The following RAB23 variants were observed in gnomAD, a reference collection of about 807,000 sequenced individuals.
The protein encoded by RAB23 is RAB23, member RAS oncogene family.
RAB23 carries 15 observed loss-of-function variants against 30.0 expected under a neutral mutation model. That is an observed-to-expected ratio of 0.50 (90% CI 0.33 to 0.77). The LOEUF is 0.77. RAB23 is among the 30% of genes least tolerant of loss of function. The pLI is 0.02. For missense variants in RAB23, 243 were observed against 275.4 expected, an observed-to-expected ratio of 0.88 and a Z score of 0.83; for synonymous variants, 93 against 94.0, an observed-to-expected ratio of 0.99 and a Z score of 0.06.
At chr6:57,194,707 C>G (rs1271975946) in intron 5 of RAB23, 63 bp downstream of exon 5, 1 of 1,216,050 alleles carries the variant, frequency 8.2e-7, no homozygotes, top group African/African-American at 1.5e-5. Context: ...CTAAACAACA[C>G]AATTTTAAAA....
intron 3 of RAB23, among the ~76,000 whole-genome samples, chr6:57,205,224 A>G (rs1765416211): frequency 6.6e-6 from 1 of 151,706 alleles, no homozygotes; most frequent in Admixed American, 6.6e-5. Context: ...GTGTGTGTAT[A>G]TATGTGTGTG....
Position 57,187,542 on chromosome 6 carries a change from A to AATG in RAB23, c.*2916_*2918dup, listed in dbSNP as rs1262673388. 1.3e-5 allele frequency: 2 copies of AATG among 152,232 alleles called. No individual in the cohort carries two copies. Among genetic ancestry groups the AATG allele is most frequent in the Admixed American group, 6.5e-5 (1 of 15,290 alleles). 9.4% of individuals were successfully genotyped at this position (152,232 alleles called of 1,614,324 possible). The stretch of plus-strand genomic sequence containing the variant: ...CATTTTGTTTTCAGAGAAACAGACT[A>AATG]ATGATAGATTAATGGGAACATTTTA... On this transcript the variant is annotated 3_prime_UTR_variant, in exon 7 of 7. Coordinates refer to ENST00000468148, the MANE Select transcript of RAB23 (RefSeq NM_016277.5).
Position 57,190,528 on chromosome 6 carries a change from T to C in RAB23, c.647A>G (p.Asn216Ser), listed in dbSNP as rs774889725. 3.7e-6 allele frequency: 6 copies of C among 1,613,994 alleles called. No individual in the cohort carries two copies. The Admixed American group carries it at 5.0e-5, about 13-fold the overall frequency. ...SGTLNGGDVI[N>S]LRPNKQRTKK... is the part of the protein sequence containing the mutation. ...GGTCCTTTGTTTGTTGGGTCTAAGA[T>C]TGATGACATCTCCACCATTGAGGGT... is the stretch of plus-strand genomic sequence containing the variant. The change falls in exon 7 of 7, where the codon AAT becomes AGT. Residue 216 changes from asparagine to serine, a missense_variant. Physicochemically the swap from Asn to Ser is conservative, Grantham distance 46. Coordinates refer to ENST00000468148, the MANE Select transcript of RAB23 (RefSeq NM_016277.5).
At chr6:57,209,619 C>T (rs1765573980) in intron 2 of RAB23, among the ~76,000 whole-genome samples, 1 of 152,014 alleles carries the variant, frequency 6.6e-6, no homozygotes, top group Non-Finnish European at 1.5e-5. Context: ...ATTTGGGTAA[C>T]ACATTTTAGT....
rs538408704 is a variant in RAB23 at position 57,214,667 on chromosome 6, A to AGGT, written c.-65-4225_-65-4223dup. Among the ~76,000 whole-genome samples, 26 of 152,288 alleles carry AGGT rather than the reference A, an allele frequency of 1.7e-4. No individual in the cohort carries two copies. In the South Asian group the frequency reaches 5.2e-3, roughly 30 times the overall value. On this transcript the variant is annotated intron_variant, in intron 1 of 6. Coordinates refer to ENST00000468148, the MANE Select transcript of RAB23 (RefSeq NM_016277.5). ...TTTTTATCCTCACCTGGTAGTAAAGAGGTAGTGCCCCACCCTTCCTGTTTT... is the reference window on the plus strand; with the variant it reads ...TTTTTATCCTCACCTGGTAGTAAAGAGGTGGTAGTGCCCCACCCTTCCTGTTTT...
At position 57,190,316 on chromosome 6, in the gene RAB23, A is replaced by G. The variant is rs189570356; in HGVS notation, c.*145T>C. On this transcript the variant is annotated 3_prime_UTR_variant, in exon 7 of 7. Coordinates refer to ENST00000468148, the MANE Select transcript of RAB23 (RefSeq NM_016277.5). Reference sequence around the variant, plus strand: ...GGTCTCACTCTACATTCTGAAAAGCACTGCAGAGCAATATTTAAGTCTGTC... The same window carrying G: ...GGTCTCACTCTACATTCTGAAAAGCGCTGCAGAGCAATATTTAAGTCTGTC... The G allele has an allele frequency of 1.9e-4, 174 of 939,808 alleles. 1 individual carries two copies. The East Asian group carries it at 4.2e-3, about 23-fold the overall frequency. 58.2% of individuals were successfully genotyped at this position (939,808 alleles called of 1,614,324 possible). A position where few individuals can be genotyped will look rare whatever the true frequency, so the allele number is the denominator to read the frequency against.
Position 57,210,414 on chromosome 6 carries a change from A to G in RAB23, c.-34T>C. ...CTGAAATGGTTTCTGTACCAACTCTAATTCTAGGAGATCAGATCTTCCCTC... is the reference window on the plus strand; with the variant it reads ...CTGAAATGGTTTCTGTACCAACTCTGATTCTAGGAGATCAGATCTTCCCTC... On this transcript the variant is annotated 5_prime_UTR_variant, in exon 2 of 7. Transcript: ENST00000468148. 6.2e-7 allele frequency: 1 copy of G among 1,601,760 alleles called. No individual in the cohort carries two copies. The highest frequency in any genetic ancestry group is 8.6e-7 in the Non-Finnish European group (1 of 1,169,278).
rs1383669900 is a variant in RAB23 at position 57,188,583 on chromosome 6, TAG to T, written c.*1876_*1877del. The T allele has an allele frequency of 2.6e-5, 4 of 151,714 alleles. No individual in the cohort carries two copies. The highest frequency in any genetic ancestry group is 9.7e-5 in the African/African-American group (4 of 41,322). The allele number at this position is 151,714 out of a possible 1,614,324, so 9.4% of individuals were successfully genotyped here. A position where few individuals can be genotyped will look rare whatever the true frequency, so the allele number is the denominator to read the frequency against. On this transcript the variant is annotated 3_prime_UTR_variant, in exon 7 of 7. Coordinates refer to ENST00000468148, the MANE Select transcript of RAB23 (RefSeq NM_016277.5). ...TTTGTGCAAAAATTAAAGAGGAGAG[TAG>T]AGAGTAGAAAATTGAAGAGAGTAGA...
At chr6:57,199,261 G>A (rs1220695085) in intron 3 of RAB23, among the ~76,000 whole-genome samples, 1 of 152,166 alleles carries the variant, frequency 6.6e-6, no homozygotes, top group Non-Finnish European at 1.5e-5. Flanking sequence ...TGGCGGGGGG[G>A]TGGAATGAAC....
intron 1 of RAB23, among the ~76,000 whole-genome samples, chr6:57,214,091 A>C (rs1279192914): frequency 6.6e-6 from 1 of 151,850 alleles, no homozygotes; most frequent in African/African-American, 2.4e-5. Context: ...CCCATCCACC[A>C]ATTCAGTCAT....
chr6:57,190,808 C>A (rs1255496288), intron 6 of RAB23, among the ~76,000 whole-genome samples: 3 of 152,088 alleles, frequency 2.0e-5, no homozygotes, highest in Admixed American at 1.3e-4. Context: ...GGAACAATCA[C>A]CCCCGTCCAT....
At chr6:57,220,564 G>A (rs1433908306) in intron 1 of RAB23, among the ~76,000 whole-genome samples, 1 of 151,948 alleles carries the variant, frequency 6.6e-6, no homozygotes, top group African/African-American at 2.4e-5. Context: ...ATAGTACTCA[G>A]CAATAAAAAA....
chr6:57,204,445 T>C (rs1026178717), intron 3 of RAB23, among the ~76,000 whole-genome samples: 37 of 152,176 alleles, frequency 2.4e-4, no homozygotes, highest in African/African-American at 8.9e-4. Flanking sequence ...ATTTCCATTG[T>C]ATACATAACT....
In RAB23 at chr6:57,221,724, A is replaced by G. The variant is rs1000093833; in HGVS notation, c.-66+2T>C. On this transcript the variant is annotated splice_donor_variant, in intron 1 of 6. Coordinates refer to ENST00000468148, the MANE Select transcript of RAB23 (RefSeq NM_016277.5). LOFTEE classifies it low-confidence loss of function (5UTR_SPLICE). ...GCCCACCAGGCAATTCCAGGTACCC[A>G]CCGCTGGGAGCTGGGAGGGGGCGCC... 34 of 152,162 alleles carry G rather than the reference A, an allele frequency of 2.2e-4. No homozygotes were observed. The highest frequency in any genetic ancestry group is 7.0e-4 in the African/African-American group (29 of 41,490). The allele number at this position is 152,162 out of a possible 1,614,324, so 9.4% of individuals were successfully genotyped here. A position where few individuals can be genotyped will look rare whatever the true frequency, so the allele number is the denominator to read the frequency against.
intron 6 of RAB23, among the ~76,000 whole-genome samples, chr6:57,191,123 G>A (rs1764823616): frequency 6.6e-6 from 1 of 152,058 alleles, no homozygotes; most frequent in Admixed American, 6.5e-5. Context: ...ATACATCAAT[G>A]GACACAGATT....
chr6:57,193,173 A>T (rs963775933), intron 6 of RAB23, among the ~76,000 whole-genome samples: 1 of 152,160 alleles, frequency 6.6e-6, no homozygotes, highest in African/African-American at 2.4e-5. Flanking sequence ...TCTGATGGCA[A>T]GAAATTTTGC....
At chr6:57,192,389 C>A (rs1667717491) in intron 6 of RAB23, among the ~76,000 whole-genome samples, 2 of 152,110 alleles carry the variant, frequency 1.3e-5, no homozygotes, top group African/African-American at 4.8e-5. Context: ...AGTTCTCGCC[C>A]ACAAGAAGTT....
intron 3 of RAB23, among the ~76,000 whole-genome samples, chr6:57,204,080 T>C (rs1466802684): frequency 1.3e-5 from 2 of 152,202 alleles, no homozygotes; most frequent in Non-Finnish European, 2.9e-5. Context: ...AAATAAGCTA[T>C]ATATTCAAAA....
intron 1 of RAB23, among the ~76,000 whole-genome samples, chr6:57,220,195 C>T (rs1423983007): frequency 6.6e-6 from 1 of 152,044 alleles, no homozygotes. Flanking sequence ...CACATTAAAA[C>T]CACAAGGAGA....
Sources: gnomAD v4.1 joint callset for allele counts (sites outside exome capture counted in the v4.1 genomes callset) on GRCh38, gnomAD v4.1.1 for gene constraint, MANE v1.5 for transcripts, NCBI Gene and HGNC (gene_info 2026-07-23, HGNC 2026-07-21) for gene names.